NLRP7: variants seen among roughly 807,000 people sequenced by gnomAD.
NLRP7 encodes NLR family pyrin domain containing 7, also known as NACHT, LRR and PYD domains-containing protein 7.
NLRP7 carries 72 observed loss-of-function variants against 85.5 expected under a neutral mutation model. The observed-to-expected ratio is 0.84, with a 90% CI of 0.70 to 1.02. The LOEUF (loss-of-function observed/expected upper bound fraction) is 1.02. Among genes scored for constraint, NLRP7 ranks in the 50% least tolerant of loss-of-function variants. The pLI is 0.00. For synonymous variants in NLRP7, 550 were observed against 505.2 expected, an observed-to-expected ratio of 1.09 and a Z score of -1.19; for missense variants, 1,243 against 1,219.5, an observed-to-expected ratio of 1.02 and a Z score of -0.29.
Position 54,939,391 on chromosome 19 carries a change from AGTGAGAAACTGCTGGAAGCTGAG to A in NLRP7, c.1405_1427del (p.Leu469CysfsTer51), listed in dbSNP as rs777000252. 2 of 1,614,010 alleles carry A rather than the reference AGTGAGAAACTGCTGGAAGCTGAG, an allele frequency of 1.2e-6. No individual in the cohort carries two copies. Among genetic ancestry groups the A allele is most frequent in the South Asian group, 2.2e-5 (2 of 91,074 alleles). On this transcript the variant is annotated frameshift_variant, in exon 4 of 10. Transcript: ENST00000340844. LOFTEE classifies it high-confidence loss of function. Reference sequence around the variant, plus strand: ...CCTTCTCCAGGGCGTAGAACAGGGCAGTGAGAAACTGCTGGAAGCTGAGGTGGATGAAGGAGTAGCAGCCTTTG... The same window carrying A: ...CCTTCTCCAGGGCGTAGAACAGGGCAGTGGATGAAGGAGTAGCAGCCTTTG...
chr19:54,938,917 C>T, exon 4 of NLRP7: 1 of 1,614,184 alleles, frequency 6.2e-7, no homozygotes, highest in Non-Finnish European at 8.5e-7. Context: ...GTTCAAAATC[C>T]ATGTAATTCT....
exon 2 of NLRP7, chr19:54,941,735 G>A: frequency 6.2e-7 from 1 of 1,603,770 alleles, no homozygotes; most frequent in Non-Finnish European, 8.5e-7. Flanking sequence ...TGAGACCTTA[G>A]GTTAAGGCTG....
intron 9 of NLRP7, among the ~76,000 whole-genome samples, chr19:54,928,885 C>T (rs1212744730): frequency 2.0e-4 from 30 of 152,000 alleles, no homozygotes; most frequent in Non-Finnish European, 1.9e-4. Context: ...TCACTGCAAC[C>T]TCCGCCTCCT....
At chr19:54,948,110 G>A (rs776477382), upstream of NLRP7, among the ~76,000 whole-genome samples, 12 of 152,138 alleles carry the variant, frequency 7.9e-5, no homozygotes, top group Non-Finnish European at 1.0e-4. Context: ...TAGGCTGGGC[G>A]TGGTAGCTCA....
rs1391172061 is a variant in NLRP7, at chr19:54,941,528, A to C, written c.184T>G (p.Ser62Ala). The C allele has an allele frequency of 5.6e-6, 9 of 1,613,716 alleles. No homozygotes were observed. The highest frequency in any genetic ancestry group is 1.3e-5 in the African/African-American group (1 of 74,836). Residue 62 changes from serine to alanine, a missense_variant, in exon 2 of 10, where the codon TCC becomes GCC. Ser to Ala is a moderately conservative substitution (Grantham distance 99). This residue lies in a region of NLRP7 where 591 missense variants were observed against 563.3 expected (regional missense o/e 1.05). Coordinates refer to ENST00000340844, the Ensembl canonical transcript of NLRP7. ...GCATTCCTTATCCAATTTTCTGAGG[A>C]GGTGTTGACCAGAATTTCTGCCAGT...
chr19:54,966,120 T>C (rs1300329817), exon 1 of NLRP7: 1 of 151,590 alleles, frequency 6.6e-6, no homozygotes, highest in Admixed American at 6.6e-5. Flanking sequence ...ATCACAGTTA[T>C]CTGGGACTCT....
In NLRP7 at chr19:54,954,453, C is replaced by CCAGGAGG. The variant is rs535150492; in HGVS notation, c.-76-6955_-76-6949dup. Among the ~76,000 whole-genome samples the CCAGGAGG allele has an allele frequency of 3.6e-4, 47 of 131,086 alleles. 4 individuals carry two copies. Among genetic ancestry groups the CCAGGAGG allele is most frequent in the Middle Eastern group, 4.6e-3 (1 of 216 alleles). 86.0% of individuals were successfully genotyped at this position (131,086 alleles called of 152,430 possible). On this transcript the variant is annotated intron_variant, in intron 1 of 2. Coordinates refer to the NLRP7 transcript ENST00000587103. ...GCTGAGGCAGGAGAATGGCCTGAAC[C>CCAGGAGG]CAGGAGGCGGAGCTTGCAGTGAGCC...
At chr19:54,947,291 C>A (rs2069516638) in intron 1 of NLRP7, among the ~76,000 whole-genome samples, 178 bp downstream of exon 1, 1 of 151,728 alleles carries the variant, frequency 6.6e-6, no homozygotes, top group Admixed American at 6.6e-5. Flanking sequence ...CACGCCACTG[C>A]ACTCCAGCCT....
intron 1 of NLRP7, among the ~76,000 whole-genome samples, chr19:54,953,570 T>C (rs1016456482): frequency 1.3e-5 from 2 of 151,850 alleles, no homozygotes; most frequent in Non-Finnish European, 2.9e-5. Context: ...GGCTGTCTGC[T>C]TGTGGATTTC....
intron 1 of NLRP7, among the ~76,000 whole-genome samples, chr19:54,954,682 C>G (rs1257684782): frequency 6.6e-6 from 1 of 151,204 alleles, no homozygotes; most frequent in African/African-American, 2.4e-5. Context: ...CCATCTCTTA[C>G]TAAAAATACA....
intron 1 of NLRP7, among the ~76,000 whole-genome samples, chr19:54,943,493 C>T (rs775888): frequency 0.084 from 11,908 of 141,692 alleles, 904 homozygotes; most frequent in African/African-American, 0.21. Flanking sequence ...CCCAGCTACT[C>T]GGGAGGCTGA....
intron 9 of NLRP7, among the ~76,000 whole-genome samples, chr19:54,926,694 T>A (rs1047975645): frequency 5.3e-5 from 8 of 151,928 alleles, no homozygotes; most frequent in African/African-American, 1.5e-4. Context: ...GGCGAGAAGA[T>A]CACCTGAGGT....
intron 1 of NLRP7, among the ~76,000 whole-genome samples, chr19:54,946,369 G>A (rs1182294044): frequency 6.6e-6 from 1 of 150,500 alleles, no homozygotes; most frequent in Non-Finnish European, 1.5e-5. Flanking sequence ...GTGCCACCAC[G>A]CCCAGCTAAT....
At chr19:54,939,622 G>A (rs1455379901) in exon 4 of NLRP7, 7 of 1,610,856 alleles carry the variant, frequency 4.3e-6, no homozygotes, top group South Asian at 1.1e-5. Context: ...GGAACCGGCT[G>A]CAGAGGAAAC....
chr19:54,951,712 T>G (rs1019776294), upstream of NLRP7, among the ~76,000 whole-genome samples: 12 of 152,122 alleles, frequency 7.9e-5, no homozygotes, highest in African/African-American at 2.7e-4. Context: ...CTCCTCATCA[T>G]TGCTGTAGAT....
At chr19:54,952,090 A>C (rs112561082), upstream of NLRP7, among the ~76,000 whole-genome samples, 5,202 of 152,174 alleles carry the variant, frequency 0.034, 101 homozygotes, top group African/African-American at 0.047. Context: ...TCCTACAGAT[A>C]AACTCTGGGA....
At chr19:54,953,094 A>G (rs1160456247) in intron 1 of NLRP7, 2 of 152,080 alleles carry the variant, frequency 1.3e-5, no homozygotes, top group African/African-American at 4.8e-5. Flanking sequence ...AGAAAAAAAA[A>G]AGCATTCTAA....
chr19:54,959,141 CT>C (rs74177888), intron 1 of NLRP7, among the ~76,000 whole-genome samples: 163 of 134,598 alleles, frequency 1.2e-3, no homozygotes, highest in Middle Eastern at 0.011. Context: ...TTTTCTTTTT[CT>C]TTTTTTTTTT....
chr19:54,939,670 C>G, exon 4 of NLRP7: 2 of 1,610,430 alleles, frequency 1.2e-6, no homozygotes, highest in Non-Finnish European at 1.7e-6. Flanking sequence ...AGGTGGGGAC[C>G]GGGTCCTCCC....
Sources: gnomAD v4.1 joint callset for allele counts (sites outside exome capture counted in the v4.1 genomes callset) on GRCh38, gnomAD v4.1.1 for gene constraint, gnomAD v4.1.1 regional missense constraint, MANE v1.5 for transcripts, NCBI Gene and HGNC (gene_info 2026-07-23, HGNC 2026-07-21) for gene names.